The following ARHGAP26 variants were observed in gnomAD, a reference collection of about 807,000 sequenced individuals.
ARHGAP26 encodes rho GTPase-activating protein 26.
In ARHGAP26, 38 loss-of-function variants were observed where a neutral mutation model predicts 104.8. The observed-to-expected ratio is 0.36, with a 90% CI of 0.28 to 0.48. The LOEUF (loss-of-function observed/expected upper bound fraction) is 0.48. Ranked by LOEUF, ARHGAP26 falls within the 20% of genes least tolerant of loss-of-function variation. The pLI is 0.99. For missense variants in ARHGAP26, 704 were observed against 947.9 expected (o/e 0.74, Z 3.38); for synonymous variants, 341 against 340.0 (o/e 1.00, Z -0.03).
intron 17 of ARHGAP26, among the ~76,000 whole-genome samples, chr5:143,091,545 A>G (rs1300833086): frequency 6.6e-6 from 1 of 152,188 alleles, no homozygotes; most frequent in Admixed American, 6.5e-5. Flanking sequence ...GCCAAACACC[A>G]TTTTATATTT....
Position 143,147,233 on chromosome 5 carries a change from G to T in ARHGAP26, c.1840G>T (p.Glu614Ter). ...FHTVQSTEKQ[E>*]QRNSIINSSL... ...GACTTGTGGCTTTTCCCCCCCAGAG[G>T]AACAAAGGAACAGCATCATCAACTC... Residue 614 changes from glutamate to a stop codon, truncating the protein, a stop_gained and splice_region_variant, in exon 20 of 23, where the codon GAA becomes TAA. Transcript: ENST00000645722. LOFTEE classifies it high-confidence loss of function. 1 of 1,613,666 alleles carries T rather than the reference G, an allele frequency of 6.2e-7. No individual in the cohort carries two copies. Among genetic ancestry groups the T allele is most frequent in the Non-Finnish European group, 8.5e-7 (1 of 1,179,788 alleles).
chr5:143,015,242 A>G (rs1354168146), intron 12 of ARHGAP26, among the ~76,000 whole-genome samples: 1 of 152,200 alleles, frequency 6.6e-6, no homozygotes, highest in Non-Finnish European at 1.5e-5. Flanking sequence ...ACCCTTAATT[A>G]GGTAAGATTG....
chr5:143,124,310 T>C (rs761070212), intron 18 of ARHGAP26, among the ~76,000 whole-genome samples: 1 of 152,272 alleles, frequency 6.6e-6, no homozygotes, highest in Non-Finnish European at 1.5e-5. Context: ...AGCCACTCCA[T>C]TGACGGAGAG....
chr5:143,060,019 G>C (rs979506066), intron 17 of ARHGAP26, among the ~76,000 whole-genome samples: 3 of 152,226 alleles, frequency 2.0e-5, no homozygotes, highest in African/African-American at 7.2e-5. Context: ...GCATCCAGAG[G>C]AGTTCTAAGA....
At chr5:143,026,190 G>T (rs943713610) in intron 12 of ARHGAP26, among the ~76,000 whole-genome samples, 1 of 152,190 alleles carries the variant, frequency 6.6e-6, no homozygotes, top group African/African-American at 2.4e-5. Flanking sequence ...TCGGCTCCTT[G>T]TGTTTTCAGC....
intron 18 of ARHGAP26, among the ~76,000 whole-genome samples, chr5:143,122,340 C>T (rs1302900812): frequency 6.6e-6 from 1 of 152,200 alleles, no homozygotes; most frequent in Non-Finnish European, 1.5e-5. Flanking sequence ...GTTGCTGTTC[C>T]CAGTGGTTGG....
In ARHGAP26 at chr5:143,228,430, T is replaced by A; in HGVS notation, c.*5984T>A. 4.5e-6 allele frequency: 1 copy of A among 219,894 alleles called. No individual in the cohort carries two copies. The allele number at this position is 219,894 out of a possible 1,614,324, so 13.6% of individuals were successfully genotyped here. A position where few individuals can be genotyped will look rare whatever the true frequency, so the allele number is the denominator to read the frequency against. ...TAAAGATGTAAATTCAGTGCCATTT[T>A]AAAACTGTTCATATTTATCAAACAA... is the stretch of plus-strand genomic sequence containing the variant. On this transcript the variant is annotated 3_prime_UTR_variant, in exon 23 of 23. Transcript: ENST00000645722.
Position 143,006,316 on chromosome 5 carries a change from CTT to C in ARHGAP26, c.1108-7743_1108-7742del, listed in dbSNP as rs34154406. On this transcript the variant is annotated intron_variant, in intron 11 of 22. Transcript: ENST00000645722. ...ACCAACTCCACCTTTAGTGTTTTTT[CTT>C]TTTTTTTTTTTTTTTTTTTTAATTG... 4.8e-3 allele frequency among the ~76,000 whole-genome samples: 542 copies of C among 112,830 alleles called. 6 individuals are homozygous for C. Among genetic ancestry groups the C allele is most frequent in the African/African-American group, 0.013 (424 of 31,998 alleles). 74.0% of individuals were successfully genotyped at this position (112,830 alleles called of 152,430 possible).
chr5:142,840,917 A>G (rs1770663578), intron 1 of ARHGAP26, among the ~76,000 whole-genome samples: 1 of 152,258 alleles, frequency 6.6e-6, no homozygotes, highest in Non-Finnish European at 1.5e-5. Flanking sequence ...GTACTTTCAC[A>G]CAGCAGACAG....
At chr5:143,004,126 G>C (rs572116540) in intron 11 of ARHGAP26, among the ~76,000 whole-genome samples, 1 of 151,812 alleles carries the variant, frequency 6.6e-6, no homozygotes, top group South Asian at 2.1e-4. Flanking sequence ...AACATAGTTT[G>C]AACACTCATC....
chr5:143,051,486 G>C (rs990223491), intron 14 of ARHGAP26, among the ~76,000 whole-genome samples: 1 of 152,244 alleles, frequency 6.6e-6, no homozygotes, highest in African/African-American at 2.4e-5. Flanking sequence ...GAGTTCTAAA[G>C]AAGAGTGTAA....
intron 17 of ARHGAP26, among the ~76,000 whole-genome samples, chr5:143,073,019 A>G (rs1788494513): frequency 6.6e-6 from 1 of 152,148 alleles, no homozygotes; most frequent in African/African-American, 2.4e-5. Flanking sequence ...GTACAATTAT[A>G]ATTTGTCCAT....
chr5:142,832,141 A>G (rs1768565168), intron 1 of ARHGAP26, among the ~76,000 whole-genome samples: 1 of 152,144 alleles, frequency 6.6e-6, no homozygotes, highest in African/African-American at 2.4e-5. Context: ...TCTATTTTTG[A>G]TGTCAACTTA....
chr5:142,869,704 T>C (rs576010559), intron 1 of ARHGAP26, among the ~76,000 whole-genome samples: 4 of 152,364 alleles, frequency 2.6e-5, no homozygotes, highest in South Asian at 4.1e-4. Flanking sequence ...GTATTACTGG[T>C]ACAACTTGTA....
At chr5:142,998,208 G>A (rs951321042) in intron 11 of ARHGAP26, among the ~76,000 whole-genome samples, 3 of 152,150 alleles carry the variant, frequency 2.0e-5, no homozygotes, top group Non-Finnish European at 2.9e-5. Flanking sequence ...ATTTATGATT[G>A]TATTTGTATA....
At chr5:143,199,349 T>G (rs576440508) in intron 20 of ARHGAP26, among the ~76,000 whole-genome samples, 2 of 152,346 alleles carry the variant, frequency 1.3e-5, no homozygotes, top group East Asian at 3.9e-4. Flanking sequence ...CTTCAGATTT[T>G]CAACAGATAA....
intron 10 of ARHGAP26, chr5:142,919,297 C>G: frequency 2.5e-6 from 1 of 398,562 alleles, no homozygotes; most frequent in Non-Finnish European, 4.4e-6. Flanking sequence ...CACCTACAAG[C>G]CAATGAACAC....
At chr5:142,867,132 T>C (rs746209775) in intron 1 of ARHGAP26, among the ~76,000 whole-genome samples, 28 of 152,208 alleles carry the variant, frequency 1.8e-4, no homozygotes, top group Middle Eastern at 3.2e-3. Context: ...GCCCTGTCAT[T>C]TCTCCTTGAG....
chr5:143,086,438 C>T (rs1486752974), intron 17 of ARHGAP26, among the ~76,000 whole-genome samples: 1 of 149,686 alleles, frequency 6.7e-6, no homozygotes, highest in Admixed American at 6.6e-5. Flanking sequence ...CTTCAACGAG[C>T]CATAAATTGG....
Sources: gnomAD v4.1 joint callset for allele counts (sites outside exome capture counted in the v4.1 genomes callset) on GRCh38, gnomAD v4.1.1 for gene constraint, MANE v1.5 for transcripts, NCBI Gene and HGNC (gene_info 2026-07-23, HGNC 2026-07-21) for gene names.